The following TDRD12 variants were observed in gnomAD, a reference collection of about 807,000 sequenced individuals.
The protein encoded by TDRD12 is putative ATP-dependent RNA helicase TDRD12.
In TDRD12, 158 loss-of-function variants were observed where a neutral mutation model predicts 133.5. The observed-to-expected ratio is 1.18, with a 90% CI of 1.04 to 1.35. The LOEUF is 1.35. TDRD12 is among the 40% of genes most tolerant of loss of function. TDRD12 has a pLI of 0.00. For synonymous variants in TDRD12, 460 were observed against 477.9 expected (o/e 0.96, Z 0.49); for missense variants, 1,443 against 1,321.3 (o/e 1.09, Z -1.43).
rs1431861960 is a variant in TDRD12 at position 32,800,622 on chromosome 19, T to C, written c.1951-22T>C. 2.0e-6 allele frequency: 3 copies of C among 1,519,384 alleles called. No homozygotes were observed. In the South Asian group the frequency reaches 3.8e-5, roughly 19 times the overall value. 94.1% of individuals were successfully genotyped at this position (1,519,384 alleles called of 1,614,324 possible). The stretch of plus-strand genomic sequence containing the variant: ...CACCTAAAATATTAAAAAGTCACAT[T>C]GTTTCTGTGCTTCATTACCAGGTAG... On this transcript the variant is annotated intron_variant, in intron 17 of 27. Transcript: ENST00000444215.
At chr19:32,720,062 G>C in exon 1 of TDRD12, 4 of 1,548,378 alleles carry the variant, frequency 2.6e-6, no homozygotes, top group Middle Eastern at 1.7e-4. Context: ...CTGCCCTCGG[G>C]CGCCAGGAGG....
At chr19:32,738,891 G>C in exon 3 of TDRD12, 1 of 1,551,390 alleles carries the variant, frequency 6.4e-7, no homozygotes, top group Non-Finnish European at 8.7e-7. Context: ...TAAAGTGCTG[G>C]TGCAGGGCCA....
intron 1 of TDRD12, among the ~76,000 whole-genome samples, chr19:32,721,471 C>T (rs1372474382): frequency 1.3e-5 from 2 of 151,922 alleles, no homozygotes; most frequent in African/African-American, 2.4e-5. Flanking sequence ...CTGCAACCTC[C>T]GCTTCCCGGG....
chr19:32,731,754 T>C, exon 2 of TDRD12: 2 of 1,546,360 alleles, frequency 1.3e-6, no homozygotes, highest in Non-Finnish European at 1.7e-6. Flanking sequence ...TCTGGGTTAT[T>C]ATAAAAGGGT....
intron 6 of TDRD12, among the ~76,000 whole-genome samples, chr19:32,751,271 A>G (rs1969819458): frequency 6.6e-6 from 1 of 152,084 alleles, no homozygotes; most frequent in Admixed American, 6.6e-5. Flanking sequence ...TGTCCCTGCA[A>G]AGGACACAAT....
At chr19:32,762,872 T>C (rs1390962396) in intron 8 of TDRD12, among the ~76,000 whole-genome samples, 3 of 152,232 alleles carry the variant, frequency 2.0e-5, no homozygotes, top group Non-Finnish European at 2.9e-5. Flanking sequence ...CCAACCTACA[T>C]GGTGCAGCCT....
At chr19:32,775,692 G>T (rs1272414236) in intron 10 of TDRD12, among the ~76,000 whole-genome samples, 2 of 149,132 alleles carry the variant, frequency 1.3e-5, no homozygotes, top group African/African-American at 5.0e-5. Flanking sequence ...ATATTTCTTT[G>T]CTGAGAACTT....
chr19:32,773,752 G>A (rs1286858006), intron 10 of TDRD12, among the ~76,000 whole-genome samples: 1 of 152,162 alleles, frequency 6.6e-6, no homozygotes, highest in African/African-American at 2.4e-5. Context: ...TAAGAGTGAT[G>A]TTGTCTTATA....
At chr19:32,815,596 G>T in exon 26 of TDRD12, 1 of 1,536,048 alleles carries the variant, frequency 6.5e-7, no homozygotes, top group South Asian at 1.2e-5. Flanking sequence ...ATACCAGCTT[G>T]TGAAGAAAGC....
At chr19:32,820,210 C>T (rs1055377609) in intron 27 of TDRD12, among the ~76,000 whole-genome samples, 3 of 152,160 alleles carry the variant, frequency 2.0e-5, no homozygotes, top group African/African-American at 7.2e-5. Context: ...ACGGACCCCT[C>T]CTTCTCACAG....
rs1456235206 is a variant in TDRD12, at chr19:32,817,995, C to T, written c.3315-94C>T. The T allele has an allele frequency of 8.7e-6, 6 of 688,128 alleles. No individual in the cohort carries two copies. The East Asian group carries it at 1.1e-4, about 12-fold the overall frequency. 42.6% of individuals were successfully genotyped at this position (688,128 alleles called of 1,614,324 possible). ...AAAAAAAAAAAAAAAGTGTTTTTAC[C>T]CATGCACTCCAAGCTCTGTCCTCTA... On this transcript the variant is annotated intron_variant, in intron 26 of 27. Coordinates refer to ENST00000444215, the Ensembl canonical transcript of TDRD12.
chr19:32,779,667 C>T (rs1033757402), intron 11 of TDRD12, among the ~76,000 whole-genome samples: 2 of 152,138 alleles, frequency 1.3e-5, no homozygotes, highest in African/African-American at 4.8e-5. Flanking sequence ...GGGCTGAGAT[C>T]GTGTTTCTAA....
chr19:32,791,404 G>A (rs770484864), intron 13 of TDRD12, among the ~76,000 whole-genome samples: 11 of 152,080 alleles, frequency 7.2e-5, no homozygotes, highest in Admixed American at 2.0e-4. Context: ...TGCACTCCCC[G>A]ACCGTTCTTT....
chr19:32,729,621 G>A (rs1968977983), intron 1 of TDRD12, among the ~76,000 whole-genome samples: 1 of 151,128 alleles, frequency 6.6e-6, no homozygotes, highest in South Asian at 2.1e-4. Flanking sequence ...TACATATAGA[G>A]TTTCCATTTC....
exon 10 of TDRD12, chr19:32,828,340 T>G (rs1967654888): frequency 6.6e-6 from 1 of 152,204 alleles, no homozygotes; most frequent in African/African-American, 2.4e-5. Flanking sequence ...CTACATGTCG[T>G]GAGCCCTGCA....
chr19:32,820,882 G>A (rs761491923), intron 27 of TDRD12, 151 bp from the exon 28 acceptor site: 54 of 610,470 alleles, frequency 8.8e-5, no homozygotes, highest in Non-Finnish European at 1.5e-4. Context: ...AGAGTTGATG[G>A]GCTGCCTGGG....
At chr19:32,743,059 G>C (rs1044686218) in intron 4 of TDRD12, among the ~76,000 whole-genome samples, 159 bp downstream of exon 4, 1 of 152,258 alleles carries the variant, frequency 6.6e-6, no homozygotes, top group African/African-American at 2.4e-5. Context: ...CCTGGCTGTG[G>C]TTGAGGGGGT....
In TDRD12 at chr19:32,761,809, G is replaced by A. The variant is rs558995809; in HGVS notation, c.865+4679G>A. On this transcript the variant is annotated intron_variant, in intron 8 of 27. Coordinates refer to ENST00000444215, the Ensembl canonical transcript of TDRD12. Reference sequence around the variant, plus strand: ...GGTTCAAGCCTCCTGCCTGAGCCCCGCGAGTAGCTGGGATTACAGGTGCCC... The same window carrying A: ...GGTTCAAGCCTCCTGCCTGAGCCCCACGAGTAGCTGGGATTACAGGTGCCC... 1.4e-4 allele frequency among the ~76,000 whole-genome samples: 22 copies of A among 151,766 alleles called. No homozygotes were observed. In the South Asian group the frequency reaches 3.6e-3, roughly 25 times the overall value.
exon 28 of TDRD12, chr19:32,821,089 G>T (rs1967369563): frequency 1.3e-6 from 2 of 1,535,848 alleles, no homozygotes; most frequent in African/African-American, 2.7e-5. Flanking sequence ...GAGGACACGG[G>T]TGCAGAAGGA....
Sources: gnomAD v4.1 joint callset for allele counts (sites outside exome capture counted in the v4.1 genomes callset) on GRCh38, gnomAD v4.1.1 for gene constraint, MANE v1.5 for transcripts, NCBI Gene and HGNC (gene_info 2026-07-23, HGNC 2026-07-21) for gene names.